The following DLG2 variants were observed in gnomAD, a reference collection of about 807,000 sequenced individuals.
DLG2 encodes the protein disks large homolog 2.
DLG2 carries 45 observed loss-of-function variants against 132.5 expected under a neutral mutation model. The observed-to-expected ratio is 0.34, with a 90% CI of 0.27 to 0.44. DLG2 has a LOEUF of 0.44. DLG2 is among the 20% of genes least tolerant of loss of function. The pLI is 1.00. For synonymous variants in DLG2, 424 were observed against 419.6 expected (o/e 1.01, Z -0.13); for missense variants, 1,045 against 1,196.9 (o/e 0.87, Z 1.87).
intron 11 of DLG2, among the ~76,000 whole-genome samples, chr11:84,054,500 C>T (rs2096463115): frequency 6.6e-6 from 1 of 151,952 alleles, no homozygotes; most frequent in African/African-American, 2.4e-5. Context: ...TTACAATGAC[C>T]AAATCTATAA....
At chr11:85,393,834 A>C (rs904629830) in intron 3 of DLG2, among the ~76,000 whole-genome samples, 1 of 152,142 alleles carries the variant, frequency 6.6e-6, no homozygotes, top group African/African-American at 2.4e-5. Flanking sequence ...TTATGTTCTC[A>C]CTCATAAATG....
intron 9 of DLG2, among the ~76,000 whole-genome samples, chr11:84,123,366 T>C (rs1201341726): frequency 6.6e-6 from 1 of 152,214 alleles, no homozygotes; most frequent in Non-Finnish European, 1.5e-5. Flanking sequence ...ATATTCTCTT[T>C]ATAATGCAAA....
In DLG2 at chr11:84,584,921, C is replaced by A. The variant is rs538904229; in HGVS notation, c.358-50190G>T. Among the ~76,000 whole-genome samples the A allele has an allele frequency of 3.4e-4, 51 of 151,758 alleles. 3 individuals carry two copies. The South Asian group carries it at 0.011, about 32-fold the overall frequency. On this transcript the variant is annotated intron_variant, in intron 6 of 27. Transcript: ENST00000376104. ...GTCGGGATGGTCTCGATCTCCTGAC[C>A]TCGTGATCCGCCCGCCTCGGCCTCC...
At chr11:84,105,688 T>TA (rs2092855801) in intron 9 of DLG2, among the ~76,000 whole-genome samples, 2 of 152,184 alleles carry the variant, frequency 1.3e-5, no homozygotes, top group African/African-American at 4.8e-5. Context: ...AAACCTTAGA[T>TA]AAAAAACAGC....
rs761943337 is a variant in DLG2 at position 85,389,050 on chromosome 11, C to G, written c.41-103685G>C. On this transcript the variant is annotated intron_variant, in intron 3 of 27. Transcript: ENST00000376104. ...AAAATTAAGAAGGGTAATTACCAAGCCAATCAAGGAGGTACCAGAGAAAGG... is the reference window on the plus strand; with the variant it reads ...AAAATTAAGAAGGGTAATTACCAAGGCAATCAAGGAGGTACCAGAGAAAGG... Among the ~76,000 whole-genome samples, 65 of 151,776 alleles carry G rather than the reference C, an allele frequency of 4.3e-4. 1 individual carries two copies. The highest frequency in any genetic ancestry group is 7.4e-4 in the Non-Finnish European group (50 of 67,926).
At chr11:84,041,743 G>T (rs1237673677) in intron 11 of DLG2, among the ~76,000 whole-genome samples, 1 of 151,874 alleles carries the variant, frequency 6.6e-6, no homozygotes, top group Non-Finnish European at 1.5e-5. Flanking sequence ...ATATAGAAAT[G>T]TTTTTTGTAT....
chr11:83,791,247 TGAG>T (rs2041482917), intron 17 of DLG2: 9 of 663,942 alleles, frequency 1.4e-5, no homozygotes, highest in East Asian at 5.2e-5. Context: ...CTATCGGTGC[TGAG>T]GAGGAGGAGA....
intron 6 of DLG2, among the ~76,000 whole-genome samples, chr11:84,657,508 A>C (rs370417640): frequency 6.6e-6 from 1 of 152,138 alleles, no homozygotes; most frequent in African/African-American, 2.4e-5. Context: ...TGTGGAAGAC[A>C]TATTTTTTTC....
intron 3 of DLG2, among the ~76,000 whole-genome samples, chr11:85,513,105 A>C (rs2094109702): frequency 6.6e-6 from 1 of 152,054 alleles, no homozygotes; most frequent in African/African-American, 2.4e-5. Context: ...AAAACAAAAC[A>C]CAGCATATTC....
chr11:85,287,892 T>G (rs1178529395), intron 3 of DLG2, among the ~76,000 whole-genome samples: 1 of 152,124 alleles, frequency 6.6e-6, no homozygotes, highest in Non-Finnish European at 1.5e-5. Context: ...GAAAAAAATT[T>G]TGTAAAGTTG....
At chr11:84,025,632 C>T (rs1163466225) in intron 11 of DLG2, among the ~76,000 whole-genome samples, 1 of 152,066 alleles carries the variant, frequency 6.6e-6, no homozygotes, top group Non-Finnish European at 1.5e-5. Flanking sequence ...TGAATGGAAA[C>T]CTTTTTCTCC....
chr11:84,892,984 C>A (rs1461008097), intron 6 of DLG2, among the ~76,000 whole-genome samples: 1 of 152,144 alleles, frequency 6.6e-6, no homozygotes, highest in South Asian at 2.1e-4. Flanking sequence ...AGAAGTTACA[C>A]AGACTAGGGT....
chr11:85,037,181 T>A (rs772641650), intron 6 of DLG2, among the ~76,000 whole-genome samples: 1 of 152,174 alleles, frequency 6.6e-6, no homozygotes, highest in African/African-American at 2.4e-5. Context: ...TCCTGGTCTT[T>A]GCCACCCTGA....
chr11:83,516,564 A>G (rs1458949931), intron 21 of DLG2, among the ~76,000 whole-genome samples: 2 of 152,188 alleles, frequency 1.3e-5, no homozygotes, highest in African/African-American at 4.8e-5. Context: ...TGATCCTGTC[A>G]TTATGATGTT....
chr11:83,848,115 C>T (rs946653661), intron 16 of DLG2, among the ~76,000 whole-genome samples: 9 of 138,758 alleles, frequency 6.5e-5, no homozygotes, highest in African/African-American at 2.4e-4. Context: ...CTAAACTAGT[C>T]CCCCACACCT....
chr11:84,600,685 T>C (rs889485653), intron 6 of DLG2, among the ~76,000 whole-genome samples: 1 of 152,208 alleles, frequency 6.6e-6, no homozygotes, highest in South Asian at 2.1e-4. Flanking sequence ...GTATTTAGTG[T>C]CAAGACCTCA....
At chr11:83,630,489 A>G (rs982103798) in intron 19 of DLG2, among the ~76,000 whole-genome samples, 2 of 152,174 alleles carry the variant, frequency 1.3e-5, no homozygotes, top group African/African-American at 4.8e-5. Flanking sequence ...TTCACAGAAA[A>G]CTATAAATAA....
intron 3 of DLG2, among the ~76,000 whole-genome samples, chr11:85,413,332 A>G (rs1160491639): frequency 6.6e-6 from 1 of 151,778 alleles, no homozygotes; most frequent in East Asian, 1.9e-4. Context: ...GATTCTGAAG[A>G]TTTTTTCCCA....
intron 6 of DLG2, among the ~76,000 whole-genome samples, chr11:84,537,163 G>A (rs2099357558): frequency 6.6e-6 from 1 of 152,028 alleles, no homozygotes; most frequent in East Asian, 1.9e-4. Context: ...CTGGAGTGCA[G>A]TGGCACGATC....
Sources: gnomAD v4.1 joint callset for allele counts (sites outside exome capture counted in the v4.1 genomes callset) on GRCh38, gnomAD v4.1.1 for gene constraint, MANE v1.5 for transcripts, NCBI Gene and HGNC (gene_info 2026-07-23, HGNC 2026-07-21) for gene names.